The following EPCIP variants were observed in gnomAD, a reference collection of about 807,000 sequenced individuals.
EPCIP encodes the protein exosomal polycystin 1 interacting protein, also known as exosomal polycystin-1-interacting protein.
the EPCIP span, chr21:32,797,943 T>A: frequency 1.1e-4 from 17 of 152,176 alleles, no homozygotes; most frequent in Non-Finnish European, 2.1e-4. Context: ...GATCACTCCT[T>A]CTGGGGACAA....
At chr21:32,792,971 G>A in the EPCIP span, among the ~76,000 whole-genome samples, 1 of 150,852 alleles carries the variant, frequency 6.6e-6, no homozygotes, top group Non-Finnish European at 1.5e-5. Flanking sequence ...GGAGTGCAAT[G>A]GTGTGATCTC....
At chr21:32,811,200 G>A in the EPCIP span, among the ~76,000 whole-genome samples, 1 of 150,818 alleles carries the variant, frequency 6.6e-6, no homozygotes. Context: ...GCACTATCTC[G>A]GCTCACTGCA....
the EPCIP span, among the ~76,000 whole-genome samples, chr21:32,802,647 G>A: frequency 6.6e-5 from 10 of 152,312 alleles, no homozygotes; most frequent in Non-Finnish European, 1.0e-4. Flanking sequence ...GAATCCTCAA[G>A]GGGATGGAGA....
At chr21:32,794,205 G>T in the EPCIP span, 1 of 1,614,138 alleles carries the variant, frequency 6.2e-7, no homozygotes, top group Non-Finnish European at 8.5e-7. Context: ...TAGCTGGTTC[G>T]CTCTACTGCA....
chr21:32,796,958 C>A, the EPCIP span: 1 of 470,906 alleles, frequency 2.1e-6, no homozygotes, highest in South Asian at 1.5e-5. Flanking sequence ...CTTTTAGAGG[C>A]AGCCGTGGAA....
chr21:32,799,903 C>T, the EPCIP span, among the ~76,000 whole-genome samples: 3 of 152,254 alleles, frequency 2.0e-5, no homozygotes, highest in Non-Finnish European at 4.4e-5. Flanking sequence ...GATCGCACCA[C>T]TGCACTCCAG....
At chr21:32,797,866 G>A in the EPCIP span, 1 of 152,160 alleles carries the variant, frequency 6.6e-6, no homozygotes, top group African/African-American at 2.4e-5. Flanking sequence ...ACTCAAAAAA[G>A]GTTGTCAGAA....
the EPCIP span, among the ~76,000 whole-genome samples, chr21:32,809,314 T>TTCTA: frequency 1.5e-4 from 22 of 144,486 alleles, no homozygotes; most frequent in Non-Finnish European, 3.2e-4. Context: ...CTTTCTTTCT[T>TTCTA]TCTTTCTTTC....
the EPCIP span, among the ~76,000 whole-genome samples, chr21:32,794,757 C>A: frequency 6.6e-6 from 1 of 152,226 alleles, no homozygotes; most frequent in Admixed American, 6.5e-5. Context: ...AACATGCCAA[C>A]AACACAGCCA....
the EPCIP span, chr21:32,794,011 C>T: frequency 3.1e-6 from 5 of 1,614,106 alleles, no homozygotes; most frequent in African/African-American, 6.7e-5. Context: ...GTAAGCTCTG[C>T]TCTGGGAAGG....
the EPCIP span, chr21:32,793,608 G>T: frequency 9.2e-5 from 68 of 737,890 alleles, no homozygotes; most frequent in Non-Finnish European, 9.8e-6. Flanking sequence ...CAGAGAGCTG[G>T]TTATTGGTAT....
the EPCIP span, among the ~76,000 whole-genome samples, chr21:32,812,652 A>T: frequency 6.6e-6 from 1 of 152,196 alleles, no homozygotes; most frequent in South Asian, 2.1e-4. Flanking sequence ...CTTCTCAAGG[A>T]TGGCTCTTTT....
chr21:32,812,229 G>T, the EPCIP span, among the ~76,000 whole-genome samples: 1 of 152,098 alleles, frequency 6.6e-6, no homozygotes, highest in Non-Finnish European at 1.5e-5. Context: ...AATCCTTCAG[G>T]CTTTCCCCTT....
At chr21:32,790,795 T>C in the EPCIP span, 1 of 152,244 alleles carries the variant, frequency 6.6e-6, no homozygotes. Flanking sequence ...AGCACACCAC[T>C]GGCCAGAGGC....
At chr21:32,796,990 A>G in the EPCIP span, 1 of 414,018 alleles carries the variant, frequency 2.4e-6, no homozygotes, top group Admixed American at 2.8e-5. Flanking sequence ...ATCAGAAGAG[A>G]AAAGGATATT....
chr21:32,794,678 C>A, the EPCIP span, among the ~76,000 whole-genome samples: 1 of 152,244 alleles, frequency 6.6e-6, no homozygotes, highest in Non-Finnish European at 1.5e-5. Flanking sequence ...CCAGAGACAG[C>A]AGCCAAACCT....
the EPCIP span, among the ~76,000 whole-genome samples, chr21:32,809,320 C>A: frequency 7.5e-6 from 1 of 134,066 alleles, no homozygotes; most frequent in Non-Finnish European, 1.6e-5. Context: ...TTCTTTCTTT[C>A]TTTCTTTCTT....
the EPCIP span, chr21:32,790,980 C>G: frequency 6.6e-6 from 1 of 152,220 alleles, no homozygotes; most frequent in Admixed American, 6.5e-5. Context: ...AGATCTGGCC[C>G]CATCAGATTT....
chr21:32,806,040 G>T, the EPCIP span, among the ~76,000 whole-genome samples: 11 of 152,256 alleles, frequency 7.2e-5, no homozygotes, highest in African/African-American at 2.6e-4. Flanking sequence ...AGAGCAGAGG[G>T]ATGGGACAGT....
Sources: allele counts gnomAD v4.1 joint callset (sites outside exome capture counted in the v4.1 genomes callset), GRCh38; gene constraint gnomAD v4.1.1; transcripts MANE v1.5; gene names NCBI Gene and HGNC (gene_info 2026-07-23, HGNC 2026-07-21).